The following KIF15 variants were observed in gnomAD, a reference collection of about 807,000 sequenced individuals.
KIF15 encodes kinesin family member 15.
A neutral mutation model predicts 190.6 loss-of-function variants in KIF15; 140 were observed. That is an observed-to-expected ratio of 0.73 (90% CI 0.64 to 0.84). The LOEUF (loss-of-function observed/expected upper bound fraction) is 0.84, where lower values mean the gene tolerates loss of function less well. Among genes scored for constraint, KIF15 ranks in the 40% least tolerant of loss-of-function variants. The pLI is 0.00. For synonymous variants in KIF15, 528 were observed against 551.3 expected, an observed-to-expected ratio of 0.96 and a Z score of 0.59; for missense variants, 1,372 against 1,584.4, an observed-to-expected ratio of 0.87 and a Z score of 2.28.
chr3:44,858,131 G>A (rs1183986462), downstream of KIF15, among the ~76,000 whole-genome samples: 2 of 152,228 alleles, frequency 1.3e-5, no homozygotes, highest in Admixed American at 1.3e-4. Flanking sequence ...GGGACGAGGG[G>A]TGTAGGGGAA....
At chr3:44,831,706 A>C (rs1698082086) in intron 26 of KIF15, among the ~76,000 whole-genome samples, 1 of 152,164 alleles carries the variant, frequency 6.6e-6, no homozygotes, top group African/African-American at 2.4e-5. Context: ...ATCTTTTTAA[A>C]AATTAGTATA....
intron 1 of KIF15, among the ~76,000 whole-genome samples, chr3:44,773,861 G>A (rs1705748653): frequency 6.6e-6 from 1 of 152,142 alleles, no homozygotes; most frequent in African/African-American, 2.4e-5. Context: ...TGGATACATT[G>A]AAAGGTGAGA....
chr3:44,845,540 T>C (rs1019087078), intron 30 of KIF15, among the ~76,000 whole-genome samples: 1 of 151,772 alleles, frequency 6.6e-6, no homozygotes, highest in Non-Finnish European at 1.5e-5. Context: ...AGAAAGAAAC[T>C]CTGGCCCCTG....
chr3:44,797,631 G>A lies in KIF15; in HGVS notation c.930G>A (p.Gln310=). The A allele has an allele frequency of 6.2e-7, 1 of 1,614,110 alleles. No homozygotes were observed. The highest frequency in any genetic ancestry group is 1.1e-5 in the South Asian group (1 of 91,076). The change falls in exon 9 of 35, where the codon CAG becomes CAA. Residue 310 remains glutamine, a synonymous_variant. Transcript: ENST00000326047. The stretch of plus-strand genomic sequence containing the variant: ...TTGTCGACGTGGGTAATGGAAAACA[G>A]AGACATGTTTGCTACAGAGACTCCA... ...TALVDVGNGK[Q]RHVCYRDSKL... is the part of the protein sequence containing the mutation.
intron 11 of KIF15, among the ~76,000 whole-genome samples, chr3:44,800,657 A>G (rs1379545239): frequency 1.3e-5 from 2 of 152,236 alleles, no homozygotes; most frequent in Admixed American, 6.5e-5. Flanking sequence ...TGAATAATGT[A>G]TAAGTGCTAA....
chr3:44,787,426 T>A (rs1330842728), intron 7 of KIF15, among the ~76,000 whole-genome samples: 2 of 152,210 alleles, frequency 1.3e-5, no homozygotes, highest in African/African-American at 2.4e-5. Flanking sequence ...CTACGTTGCA[T>A]TTCATTTATT....
At chr3:44,806,008 T>C in intron 16 of KIF15, 22 bp downstream of exon 16, 2 of 1,609,772 alleles carry the variant, frequency 1.2e-6, no homozygotes, top group Non-Finnish European at 1.7e-6. Flanking sequence ...GAACAATACC[T>C]CCACCTTAAA....
intron 14 of KIF15, among the ~76,000 whole-genome samples, chr3:44,803,329 T>G (rs1397534419): frequency 1.3e-5 from 2 of 152,156 alleles, no homozygotes; most frequent in Non-Finnish European, 2.9e-5. Flanking sequence ...TAATCAAACG[T>G]GAATAAAAAT....
chr3:44,777,029 G>A (rs1430265264), intron 3 of KIF15, among the ~76,000 whole-genome samples: 2 of 99,086 alleles, frequency 2.0e-5, no homozygotes, highest in African/African-American at 8.1e-5. Flanking sequence ...ATGGTGTCTT[G>A]CTTTGTTGCC....
chr3:44,813,449 G>A (rs920620926), intron 19 of KIF15, among the ~76,000 whole-genome samples: 11 of 151,992 alleles, frequency 7.2e-5, no homozygotes, highest in South Asian at 6.2e-4. Flanking sequence ...ACAGACTCTC[G>A]CTTTGTCACC....
Position 44,762,057 on chromosome 3 carries a change from C to G in KIF15, c.19+173C>G, listed in dbSNP as rs1440143646. Among the ~76,000 whole-genome samples, 3 of 152,220 alleles carry G rather than the reference C, an allele frequency of 2.0e-5. No homozygotes were observed. In the East Asian group the frequency reaches 5.8e-4, roughly 29 times the overall value. ...CTGTCGCTCAAAGACAATACGCTAG[C>G]CGAAAAGCTCATCCCTTCCTTCAGT... On this transcript the variant is annotated intron_variant, in intron 1 of 34. Transcript: ENST00000326047.
chr3:44,827,070 C>A, intron 22 of KIF15: 3 of 456,438 alleles, frequency 6.6e-6, no homozygotes, highest in South Asian at 3.1e-5. Context: ...CTCATTTATT[C>A]AAACATTTAT....
At chr3:44,798,892 A>G (rs993231109) in intron 10 of KIF15, among the ~76,000 whole-genome samples, 2 of 152,214 alleles carry the variant, frequency 1.3e-5, no homozygotes, top group African/African-American at 4.8e-5. Flanking sequence ...ACTGCGCCCA[A>G]CTTCTGATGC....
chr3:44,852,408 T>A, intron 34 of KIF15, 69 bp downstream of exon 34: 1 of 1,433,710 alleles, frequency 7.0e-7, no homozygotes, highest in Non-Finnish European at 9.5e-7. Flanking sequence ...GAAACCAAAT[T>A]AAAACTTAAT....
Position 44,810,913 on chromosome 3 carries a change from T to C in KIF15, c.2039T>C (p.Met680Thr). Residue 680 changes from methionine (M) to threonine (T), a missense_variant, in exon 17 of 35, where the codon ATG (methionine) becomes ACG (threonine). By Grantham distance (81) the Met-to-Thr change is moderately conservative. Coordinates refer to ENST00000326047, the MANE Select transcript of KIF15 (RefSeq NM_020242.3). ...SRPVPKLSPE[M>T]GSFGSLYTQN... Reference sequence around the variant, plus strand: ...CCAGTACCAAAATTAAGCCCTGAAATGGGAAGCTTTGGCTCTCTATACACT... The same window carrying C: ...CCAGTACCAAAATTAAGCCCTGAAACGGGAAGCTTTGGCTCTCTATACACT... The C allele has an allele frequency of 1.2e-6, 2 of 1,614,038 alleles. No individual in the cohort carries two copies. The highest frequency in any genetic ancestry group is 1.6e-4 in the Middle Eastern group (1 of 6,062).
intron 5 of KIF15, among the ~76,000 whole-genome samples, chr3:44,783,281 G>T (rs1706251418): frequency 6.6e-6 from 1 of 152,166 alleles, no homozygotes; most frequent in Non-Finnish European, 1.5e-5. Context: ...TCTGGTGAGG[G>T]CCTCATGCTG....
At chr3:44,865,599 C>G (rs1346905545) in intron 6 of KIF15, 1 of 183,766 alleles carries the variant, frequency 5.4e-6, no homozygotes, top group Non-Finnish European at 1.2e-5. Context: ...CCATCTGTGT[C>G]ATGCTTATGT....
At chr3:44,864,938 G>A (rs1299671664) in intron 6 of KIF15, 1 of 1,502,088 alleles carries the variant, frequency 6.7e-7, no homozygotes, top group East Asian at 2.3e-5. Flanking sequence ...TCTGGCTCCA[G>A]ACCTTTCCTC....
At chr3:44,837,546 G>C (rs1176081693) in intron 26 of KIF15, among the ~76,000 whole-genome samples, 4 of 151,694 alleles carry the variant, frequency 2.6e-5, no homozygotes, top group Non-Finnish European at 5.9e-5. Flanking sequence ...GTGTTTATAT[G>C]TGTGTATATA....
Sources: allele counts gnomAD v4.1 joint callset (sites outside exome capture counted in the v4.1 genomes callset), GRCh38; gene constraint gnomAD v4.1.1; transcripts MANE v1.5; gene names NCBI Gene and HGNC (gene_info 2026-07-23, HGNC 2026-07-21).